CHLSN: variants seen among roughly 807,000 people sequenced by gnomAD.
CHLSN encodes protein cholesin.
the CHLSN span, among the ~76,000 whole-genome samples, chr7:1,090,066 CAA>C: frequency 7.4e-6 from 1 of 135,084 alleles, no homozygotes; most frequent in African/African-American, 2.7e-5. Context: ...CCTGGGTGAC[CAA>C]AAAAAAAAAA....
chr7:1,092,872 T>C, the CHLSN span: 97 of 1,606,332 alleles, frequency 6.0e-5, no homozygotes, highest in South Asian at 9.9e-5. Flanking sequence ...CTTGGCCGCA[T>C]AGGCCCAGCC....
At chr7:1,103,540 G>A in the CHLSN span, among the ~76,000 whole-genome samples, 1,620 of 152,310 alleles carry the variant, frequency 0.011, 30 homozygotes, top group African/African-American at 0.037. Flanking sequence ...ACTGTATCAG[G>A]AGACATTGGC....
the CHLSN span, among the ~76,000 whole-genome samples, chr7:1,030,508 T>A: frequency 6.6e-6 from 1 of 152,080 alleles, no homozygotes; most frequent in African/African-American, 2.4e-5. Context: ...CTCCACTCCA[T>A]CTCACGCTTC....
chr7:985,029 C>T, the CHLSN span: 1 of 1,612,162 alleles, frequency 6.2e-7, no homozygotes. Flanking sequence ...TGGGCGTGGG[C>T]CGGGAGCCGG....
At chr7:1,005,869 G>T in the CHLSN span, among the ~76,000 whole-genome samples, 7 of 152,146 alleles carry the variant, frequency 4.6e-5, no homozygotes, top group African/African-American at 1.7e-4. Context: ...ACCACCTCCC[G>T]CCTCGAGCAG....
chr7:1,115,717 G>A, the CHLSN span, among the ~76,000 whole-genome samples: 16 of 115,310 alleles, frequency 1.4e-4, no homozygotes, highest in East Asian at 1.9e-3. Flanking sequence ...ACAGCTCTAC[G>A]GACCGGCTTC....
chr7:1,053,236 A>C, the CHLSN span, among the ~76,000 whole-genome samples: 1 of 152,236 alleles, frequency 6.6e-6, no homozygotes, highest in Admixed American at 6.5e-5. Flanking sequence ...AGGCTCCCAC[A>C]GAACCCCTCT....
At chr7:1,007,724 G>A in the CHLSN span, among the ~76,000 whole-genome samples, 21 of 152,200 alleles carry the variant, frequency 1.4e-4, no homozygotes, top group Admixed American at 2.6e-4. Context: ...GCAGGACACA[G>A]TGCCTCCGCA....
the CHLSN span, chr7:1,092,578 C>T: frequency 6.2e-7 from 1 of 1,611,106 alleles, no homozygotes; most frequent in Non-Finnish European, 8.5e-7. Flanking sequence ...CGTGCACCTC[C>T]TGCAGCGGAC....
the CHLSN span, chr7:1,055,173 G>C: frequency 4.3e-6 from 2 of 463,398 alleles, no homozygotes; most frequent in Non-Finnish European, 9.0e-6. Context: ...GTGCGGTCCC[G>C]TCCAAGCACG....
chr7:1,000,710 C>T, the CHLSN span, among the ~76,000 whole-genome samples: 2 of 152,210 alleles, frequency 1.3e-5, no homozygotes, highest in Non-Finnish European at 1.5e-5. Context: ...AGCCCCTCCC[C>T]TGCCCGAGGC....
chr7:1,021,712 C>A, the CHLSN span: 1 of 205,744 alleles, frequency 4.9e-6, no homozygotes, highest in East Asian at 1.9e-4. Context: ...CCTAACCCCT[C>A]CCTACTTGTC....
the CHLSN span, chr7:1,026,257 T>C: frequency 3.3e-5 from 5 of 152,252 alleles, no homozygotes; most frequent in African/African-American, 9.6e-5. Flanking sequence ...TCGCTACTAT[T>C]GGACCAGTTG....
chr7:1,053,457 G>A, the CHLSN span, among the ~76,000 whole-genome samples: 4 of 152,256 alleles, frequency 2.6e-5, no homozygotes, highest in Non-Finnish European at 5.9e-5. Flanking sequence ...GGAGAGGTGG[G>A]AACACTGGCT....
At chr7:980,954 A>G in the CHLSN span, among the ~76,000 whole-genome samples, 1 of 151,774 alleles carries the variant, frequency 6.6e-6, no homozygotes, top group East Asian at 2.0e-4. Flanking sequence ...CAGCCTCCCA[A>G]AGTGCTGGGA....
chr7:1,132,870 A>G, the CHLSN span, among the ~76,000 whole-genome samples: 18 of 152,260 alleles, frequency 1.2e-4, no homozygotes, highest in African/African-American at 3.9e-4. Flanking sequence ...ACGTCTCTCC[A>G]AAGAAGATAC....
chr7:1,038,832 T>TG, the CHLSN span, among the ~76,000 whole-genome samples: 4 of 43,748 alleles, frequency 9.1e-5, 1 homozygote, highest in African/African-American at 4.1e-4. Context: ...GGGAGGGAGG[T>TG]GGGGGGGTCA....
chr7:987,911 C>T, the CHLSN span, among the ~76,000 whole-genome samples: 2 of 143,312 alleles, frequency 1.4e-5, no homozygotes, highest in Non-Finnish European at 3.0e-5. Flanking sequence ...CTCTGTGTGT[C>T]CTGGGGATCC....
the CHLSN span, chr7:1,093,546 G>C: frequency 6.4e-6 from 3 of 470,954 alleles, no homozygotes; most frequent in Middle Eastern, 3.2e-4. Context: ...CCCGCCGTCT[G>C]CTCCGGGGTG....
Sources: allele counts gnomAD v4.1 joint callset (sites outside exome capture counted in the v4.1 genomes callset), GRCh38; gene constraint gnomAD v4.1.1; transcripts MANE v1.5; gene names NCBI Gene and HGNC (gene_info 2026-07-23, HGNC 2026-07-21).